The following ENTPD6 variants were observed in gnomAD, a reference collection of about 807,000 sequenced individuals.
ENTPD6 encodes the protein CD39 antigen-like 2.
ENTPD6 carries 46 observed loss-of-function variants against 61.5 expected under a neutral mutation model. The ratio of observed to expected loss-of-function variants is 0.75; its 90% CI spans 0.59 to 0.96. The LOEUF is 0.96. ENTPD6 is among the 40% of genes least tolerant of loss of function. The pLI is 0.00. For synonymous variants in ENTPD6, 252 were observed against 255.5 expected, an observed-to-expected ratio of 0.99 and a Z score of 0.13; for missense variants, 612 against 629.0, an observed-to-expected ratio of 0.97 and a Z score of 0.29.
At chr20:25,207,513 G>A in intron 3 of ENTPD6, 116 bp downstream of exon 3, 2 of 928,338 alleles carry the variant, frequency 2.2e-6, no homozygotes, top group Non-Finnish European at 1.5e-6. Flanking sequence ...TCCCAGAGAT[G>A]CTGACGCTGG....
Position 25,195,876 on chromosome 20 carries a change from C to T in ENTPD6, c.-16+9C>T. ...GGAGCGCGCGGTGCATGGTAAGCGG[C>T]GGGCCGGGGCGCTGGCGGGGGCGGC... On this transcript the variant is annotated intron_variant, in intron 1 of 14. Coordinates refer to ENST00000376652, the MANE Select transcript of ENTPD6 (RefSeq NM_001247.5). 8.1e-7 allele frequency: 1 copy of T among 1,234,794 alleles called. No homozygotes were observed. 76.5% of individuals were successfully genotyped at this position (1,234,794 alleles called of 1,614,324 possible). A position where few individuals can be genotyped will look rare whatever the true frequency, so the allele number is the denominator to read the frequency against.
intron 8 of ENTPD6, among the ~76,000 whole-genome samples, chr20:25,217,161 G>T (rs2092360949): frequency 1.3e-5 from 2 of 152,090 alleles, no homozygotes; most frequent in Non-Finnish European, 2.9e-5. Context: ...TCCCATTGAG[G>T]CACCTGCTGC....
intron 3 of ENTPD6, among the ~76,000 whole-genome samples, chr20:25,209,114 A>ATT (rs750843229): frequency 0.052 from 4,560 of 87,648 alleles, 169 homozygotes; most frequent in African/African-American, 0.12. Flanking sequence ...ATTTTTATTT[A>ATT]ATTTTTTTTT....
intron 1 of ENTPD6, among the ~76,000 whole-genome samples, chr20:25,205,309 G>T (rs898038337): frequency 1.4e-4 from 22 of 152,206 alleles, no homozygotes; most frequent in African/African-American, 3.4e-4. Flanking sequence ...ATCCGGGAAG[G>T]GGGTGGCAGT....
At chr20:25,212,436 A>C (rs535992448) in intron 4 of ENTPD6, among the ~76,000 whole-genome samples, 3 of 152,336 alleles carry the variant, frequency 2.0e-5, no homozygotes, top group Non-Finnish European at 2.9e-5. Context: ...GTAGAACAGC[A>C]GGCTTATTCT....
chr20:25,207,706 G>A (rs371555005), intron 3 of ENTPD6, among the ~76,000 whole-genome samples: 2 of 152,212 alleles, frequency 1.3e-5, no homozygotes, highest in Non-Finnish European at 2.9e-5. Flanking sequence ...TGTGTTTGGG[G>A]CTTTGTGGGG....
chr20:25,198,843 G>C (rs2090770974), intron 1 of ENTPD6, among the ~76,000 whole-genome samples: 1 of 152,104 alleles, frequency 6.6e-6, no homozygotes, highest in African/African-American at 2.4e-5. Context: ...CCCCAAACCT[G>C]TCACCTCTCA....
At position 25,227,365 on chromosome 20, in the gene ENTPD6, C is replaced by T. The variant is rs1184046452; in HGVS notation, c.*1768C>T. ...AGAACTCCGGAGGCTGAGAATCAGA[C>T]GCATGAAGGTAAAGCCAAAATCAAT... is the stretch of plus-strand genomic sequence containing the variant. On this transcript the variant is annotated 3_prime_UTR_variant, in exon 15 of 15. Transcript: ENST00000376652. Among the ~76,000 whole-genome samples the T allele has an allele frequency of 3.3e-5, 5 of 152,152 alleles. No individual in the cohort carries two copies. Among genetic ancestry groups the T allele is most frequent in the African/African-American group, 1.2e-4 (5 of 41,424 alleles).
rs1440657974 is a variant in ENTPD6 at position 25,225,324 on chromosome 20, G to A, written c.1356+7G>A. 1 of 1,612,452 alleles carries A rather than the reference G, an allele frequency of 6.2e-7. No individual in the cohort carries two copies. The highest frequency in any genetic ancestry group is 8.5e-7 in the Non-Finnish European group (1 of 1,179,806). ...CAGGAGCAAAGTGCTGAAGGTAAGGGTGCCCTCAGGTCACGCCCCAGCCCC... is the reference window on the plus strand; with the variant it reads ...CAGGAGCAAAGTGCTGAAGGTAAGGATGCCCTCAGGTCACGCCCCAGCCCC... On this transcript the variant is annotated splice_region_variant and intron_variant, in intron 14 of 14. Transcript: ENST00000376652.
chr20:25,203,751 T>A (rs1456758292), intron 1 of ENTPD6, among the ~76,000 whole-genome samples: 1 of 152,240 alleles, frequency 6.6e-6, no homozygotes, highest in Non-Finnish European at 1.5e-5. Flanking sequence ...CAGGGATGGG[T>A]TCTGCCACTT....
Position 25,224,039 on chromosome 20 carries a change from C to T in ENTPD6, c.1187-62C>T, listed in dbSNP as rs899787013. The T allele has an allele frequency of 4.6e-6, 7 of 1,515,184 alleles. No homozygotes were observed. In the Admixed American group the frequency reaches 5.2e-5, roughly 11 times the overall value. The allele number at this position is 1,515,184 out of a possible 1,614,324, so 93.9% of individuals were successfully genotyped here. A position where few individuals can be genotyped will look rare whatever the true frequency, so the allele number is the denominator to read the frequency against. On this transcript the variant is annotated intron_variant, in intron 12 of 14. Coordinates refer to ENST00000376652, the MANE Select transcript of ENTPD6 (RefSeq NM_001247.5). ...GCTGGCGTTCCCCGTGCCAGCCTCA[C>T]GTCTCAGTGGCATCGCCAACCTCAC...
chr20:25,195,778 C>T lies in ENTPD6; in HGVS notation c.-105C>T. On this transcript the variant is annotated 5_prime_UTR_variant, in exon 1 of 15. Coordinates refer to ENST00000376652, the MANE Select transcript of ENTPD6 (RefSeq NM_001247.5). ...GGGTGGAGGCCGGGGTGGCGCCGGC[C>T]GGGGCGGGGGAGCCCAAAAGACCGG... The T allele has an allele frequency of 1.8e-6, 2 of 1,133,858 alleles. No individual in the cohort carries two copies. Among genetic ancestry groups the T allele is most frequent in the Non-Finnish European group, 1.1e-6 (1 of 891,500 alleles). The allele number at this position is 1,133,858 out of a possible 1,614,324, so 70.2% of individuals were successfully genotyped here.
chr20:25,221,797 A>C, intron 11 of ENTPD6: 1 of 255,828 alleles, frequency 3.9e-6, no homozygotes, highest in Non-Finnish European at 7.7e-6. Flanking sequence ...AGAAATGTTC[A>C]AACGCCATTC....
chr20:25,207,177 C>A lies in ENTPD6; in HGVS notation c.156C>A (p.Gly52=), dbSNP rs559659997. ...KVAYPLGLCV[G]VFIYVAYIKW... ...CATACCCCCTGGGGCTGTGTGTGGG[C>A]GTGTTCATCTATGTTGCCTACATCA... Residue 52 remains glycine (G), a synonymous_variant, in exon 3 of 15, where the codon GGC becomes GGA. Coordinates refer to ENST00000376652, the MANE Select transcript of ENTPD6 (RefSeq NM_001247.5). 5 of 1,613,944 alleles carry A rather than the reference C, an allele frequency of 3.1e-6. No individual in the cohort carries two copies. The African/African-American group carries it at 5.3e-5, about 17-fold the overall frequency.
intron 13 of ENTPD6, 111 bp downstream of exon 13, chr20:25,224,268 C>T (rs1458918806): frequency 8.9e-6 from 8 of 894,934 alleles, no homozygotes; most frequent in South Asian, 5.7e-5. Flanking sequence ...ACAATGGCCA[C>T]AGGCAGGGGC....
Position 25,221,343 on chromosome 20 carries a change from G to A in ENTPD6, c.1045+10G>A, listed in dbSNP as rs774312093. The A allele has an allele frequency of 6.8e-6, 11 of 1,609,182 alleles. No individual in the cohort carries two copies. The South Asian group carries it at 1.2e-4, about 18-fold the overall frequency. On this transcript the variant is annotated intron_variant, in intron 11 of 14. Transcript: ENST00000376652. ...TCAGGGCAGAAAGCAGGTACGGGGAGGGTTGCTGCCTGTTGGTTTCTGCGG... is the reference window on the plus strand; with the variant it reads ...TCAGGGCAGAAAGCAGGTACGGGGAAGGTTGCTGCCTGTTGGTTTCTGCGG...
intron 11 of ENTPD6, chr20:25,221,776 T>C: frequency 3.9e-6 from 1 of 258,060 alleles, no homozygotes; most frequent in Non-Finnish European, 7.7e-6. Flanking sequence ...ACCCTTGCAG[T>C]TTCTTCTGAG....
At position 25,200,817 on chromosome 20, in the gene ENTPD6, ACTTTTTTCCTCCTC is replaced by A. The variant is rs367979875; in HGVS notation, c.-16+4971_-16+4984del. Among the ~76,000 whole-genome samples, 1,275 of 147,058 alleles carry A rather than the reference ACTTTTTTCCTCCTC, an allele frequency of 8.7e-3. 13 individuals are homozygous for A. The highest frequency in any genetic ancestry group is 0.032 in the African/African-American group (1,208 of 37,880). On this transcript the variant is annotated intron_variant, in intron 1 of 14. Transcript: ENST00000376652. ...TTTATTATTTTCCTCCTCCTTTTTT[ACTTTTTTCCTCCTC>A]CTTTTTTCCTCCTCCTTTTTCTAGC...
intron 2 of ENTPD6, 39 bp from the exon 3 acceptor site, chr20:25,207,037 C>G: frequency 1.3e-6 from 2 of 1,555,292 alleles, no homozygotes; most frequent in Non-Finnish European, 8.8e-7. Context: ...ATCCTAGCAC[C>G]CTAACGTGCT....
Sources: allele counts gnomAD v4.1 joint callset (sites outside exome capture counted in the v4.1 genomes callset), GRCh38; gene constraint gnomAD v4.1.1; transcripts MANE v1.5; gene names NCBI Gene and HGNC (gene_info 2026-07-23, HGNC 2026-07-21).